AFTPH: variants seen among roughly 807,000 people sequenced by gnomAD.
The protein encoded by AFTPH is aftiphilin protein.
Under a neutral mutation model 72.5 loss-of-function variants are expected in AFTPH, and 7 were observed. The observed-to-expected ratio is 0.10, with a 90% CI of 0.05 to 0.18. The LOEUF (loss-of-function observed/expected upper bound fraction) is 0.18. AFTPH is among the 10% of genes least tolerant of loss of function. The pLI is 1.00. For missense variants in AFTPH, 979 were observed against 1,060.5 expected, an observed-to-expected ratio of 0.92 and a Z score of 1.07; for synonymous variants, 337 against 370.1, an observed-to-expected ratio of 0.91 and a Z score of 1.03.
At chr2:64,581,135 T>C in intron 7 of AFTPH, 55 bp from the exon 8 acceptor site, 1 of 1,331,744 alleles carries the variant, frequency 7.5e-7, no homozygotes, top group Non-Finnish European at 1.0e-6. Context: ...TAACCCCTCC[T>C]CCCTTGGCTT....
intron 2 of AFTPH, among the ~76,000 whole-genome samples, chr2:64,557,421 G>C (rs566156293): frequency 6.6e-6 from 1 of 152,296 alleles, no homozygotes; most frequent in Non-Finnish European, 1.5e-5. Flanking sequence ...TGAAAGTCAA[G>C]TGCCACCAAA....
At chr2:64,524,381 G>C (rs988687286) in exon 1 of AFTPH, 1 of 404,378 alleles carries the variant, frequency 2.5e-6, no homozygotes, top group African/African-American at 2.1e-5. Context: ...CGGAGGAGGT[G>C]GAGGAGGCGG....
In AFTPH at chr2:64,552,382, G is replaced by A. The variant is rs530739373; in HGVS notation, c.908G>A (p.Ser303Asn). The change falls in exon 2 of 9, where the codon AGC becomes AAC. Residue 303 changes from serine (S) to asparagine (N), a missense_variant. By Grantham distance (46) the Ser-to-Asn change is conservative. Coordinates refer to ENST00000238856, the Ensembl canonical transcript of AFTPH. ...GATCAGGTTTGTGTTTCAGAAATAA[G>A]CATAGTGACTAACAGAGGTTTCAGT... 3.1e-6 allele frequency: 5 copies of A among 1,614,048 alleles called. No individual in the cohort carries two copies. In the East Asian group the frequency reaches 1.1e-4, roughly 36 times the overall value.
intron 2 of AFTPH, among the ~76,000 whole-genome samples, chr2:64,561,664 G>C (rs748620059): frequency 1.8e-4 from 27 of 152,270 alleles, no homozygotes; most frequent in Non-Finnish European, 3.4e-4. Context: ...GAATGAGCGA[G>C]TGAGACCATC....
intron 1 of AFTPH, among the ~76,000 whole-genome samples, chr2:64,536,566 T>TAAAAA (rs142981388): frequency 1.9e-5 from 2 of 107,656 alleles, no homozygotes; most frequent in Non-Finnish European, 4.0e-5. Flanking sequence ...GACTCCATCT[T>TAAAAA]AAAAAAAAAA....
At chr2:64,564,641 A>T (rs1399484541) in intron 2 of AFTPH, among the ~76,000 whole-genome samples, 1 of 129,804 alleles carries the variant, frequency 7.7e-6, no homozygotes, top group African/African-American at 2.9e-5. Context: ...AAAATAAAAT[A>T]AATAAATGCA....
chr2:64,547,054 AATAC>A (rs576089102), intron 1 of AFTPH, among the ~76,000 whole-genome samples: 4 of 151,896 alleles, frequency 2.6e-5, no homozygotes, highest in East Asian at 1.9e-4. Flanking sequence ...GTCTCAAAAA[AATAC>A]ATACATACAT....
At chr2:64,591,916 G>C (rs772490202) in exon 9 of AFTPH, 11 of 1,613,962 alleles carry the variant, frequency 6.8e-6, no homozygotes, top group Middle Eastern at 1.7e-4. Flanking sequence ...GCACCTAAGT[G>C]AAGAAGCTAT....
intron 1 of AFTPH, among the ~76,000 whole-genome samples, chr2:64,536,175 T>C (rs1669873361): frequency 6.6e-6 from 1 of 152,072 alleles, no homozygotes; most frequent in Non-Finnish European, 1.5e-5. Flanking sequence ...TAAAAAGGCA[T>C]TTGGGTAGGC....
intron 8 of AFTPH, 123 bp from the exon 10 acceptor site, chr2:64,591,765 C>A: frequency 9.9e-7 from 1 of 1,011,002 alleles, no homozygotes. Flanking sequence ...CAGGAACTAG[C>A]AGAGGAAAAA....
intron 6 of AFTPH, among the ~76,000 whole-genome samples, chr2:64,575,726 TGTGTG>T (rs1182612411): frequency 6.8e-6 from 1 of 147,930 alleles, no homozygotes; most frequent in Admixed American, 6.7e-5. Context: ...TGTGTGTGTG[TGTGTG>T]TGTGTGTGTG....
chr2:64,551,462 A>G, exon 2 of AFTPH: 1 of 1,592,952 alleles, frequency 6.3e-7, no homozygotes, highest in South Asian at 1.1e-5. Flanking sequence ...AATTATTTGA[A>G]AGCAACTGAA....
intron 7 of AFTPH, among the ~76,000 whole-genome samples, chr2:64,582,587 G>A (rs1049491444): frequency 3.9e-5 from 6 of 152,040 alleles, no homozygotes; most frequent in Non-Finnish European, 7.4e-5. Context: ...CAGTGACCTG[G>A]GTGAGCTAAT....
At chr2:64,541,023 TTTGA>T (rs1413375733) in intron 1 of AFTPH, among the ~76,000 whole-genome samples, 1 of 152,162 alleles carries the variant, frequency 6.6e-6, no homozygotes, top group Non-Finnish European at 1.5e-5. Flanking sequence ...TTATAAAATG[TTTGA>T]TTAACTTGTG....
chr2:64,545,441 T>C (rs908438077), intron 1 of AFTPH, among the ~76,000 whole-genome samples: 5 of 150,584 alleles, frequency 3.3e-5, no homozygotes, highest in Admixed American at 3.3e-4. Flanking sequence ...TATTAGTGTT[T>C]ATGTATGTAC....
At chr2:64,579,921 C>G (rs1673068977) in intron 7 of AFTPH, 1 of 172,440 alleles carries the variant, frequency 5.8e-6, no homozygotes, top group Non-Finnish European at 1.2e-5. Flanking sequence ...TGACTAGAGG[C>G]TGCTTCAAAG....
intron 6 of AFTPH, among the ~76,000 whole-genome samples, chr2:64,573,432 TAAA>T (rs57001495): frequency 3.6e-5 from 5 of 140,508 alleles, no homozygotes; most frequent in Non-Finnish European, 4.6e-5. Flanking sequence ...GTGCTGGGTT[TAAA>T]AAAAAAAAAA....
intron 1 of AFTPH, among the ~76,000 whole-genome samples, chr2:64,543,460 A>T (rs1670379558): frequency 6.6e-6 from 1 of 152,216 alleles, no homozygotes; most frequent in Admixed American, 6.5e-5. Context: ...TCCTAAGGTC[A>T]TACAAATAAT....
chr2:64,552,821 T>A, exon 2 of AFTPH: 1 of 1,614,216 alleles, frequency 6.2e-7, no homozygotes, highest in South Asian at 1.1e-5. Context: ...CACCTTTTGT[T>A]ACTGGTACTC....
Sources: gnomAD v4.1 joint callset for allele counts (sites outside exome capture counted in the v4.1 genomes callset) on GRCh38, gnomAD v4.1.1 for gene constraint, MANE v1.5 for transcripts, NCBI Gene and HGNC (gene_info 2026-07-23, HGNC 2026-07-21) for gene names.